The following RAPH1 variants were observed in gnomAD, a reference collection of about 807,000 sequenced individuals.
The protein encoded by RAPH1 is ras-associated and pleckstrin homology domains-containing protein 1.
In RAPH1, 18 loss-of-function variants were observed where a neutral mutation model predicts 88.1. That is an observed-to-expected ratio of 0.20 (90% confidence interval 0.14 to 0.30). The LOEUF (loss-of-function observed/expected upper bound fraction) is 0.30, where lower values mean the gene tolerates loss of function less well. Among genes scored for constraint, RAPH1 ranks in the 10% least tolerant of loss-of-function variants. The pLI is 1.00. For synonymous variants in RAPH1, 587 were observed against 559.0 expected, an observed-to-expected ratio of 1.05 and a Z score of -0.71; for missense variants, 1,448 against 1,543.2, an observed-to-expected ratio of 0.94 and a Z score of 1.03.
chr2:203,459,110 C>CT (rs2098522311), intron 7 of RAPH1, among the ~76,000 whole-genome samples: 1 of 151,996 alleles, frequency 6.6e-6, no homozygotes, highest in Non-Finnish European at 1.5e-5. Flanking sequence ...ACCTTGTGAT[C>CT]AGTCCACCTC....
chr2:203,454,200 CT>C (rs2098517251), intron 10 of RAPH1, among the ~76,000 whole-genome samples: 1 of 152,182 alleles, frequency 6.6e-6, no homozygotes, highest in South Asian at 2.1e-4. Flanking sequence ...TATCTCACAA[CT>C]CAAAGCTTAC....
At chr2:203,531,408 A>C (rs1309640938) in intron 1 of RAPH1, among the ~76,000 whole-genome samples, 1 of 152,242 alleles carries the variant, frequency 6.6e-6, no homozygotes, top group Non-Finnish European at 1.5e-5. Flanking sequence ...GTATAAAAAA[A>C]AAAATTTGTG....
At chr2:203,503,956 C>T (rs1382612962) in intron 1 of RAPH1, among the ~76,000 whole-genome samples, 1 of 152,198 alleles carries the variant, frequency 6.6e-6, no homozygotes, top group Non-Finnish European at 1.5e-5. Context: ...ATCCTGGTCA[C>T]GCTGATGCAA....
At chr2:203,533,516 CTCTCAAAGGA>C (rs1381275216) in intron 1 of RAPH1, 2 of 151,870 alleles carry the variant, frequency 1.3e-5, no homozygotes, top group African/African-American at 4.8e-5. Flanking sequence ...CTCAATTCGG[CTCTCAAAGGA>C]TAGCACCACC....
At chr2:203,490,214 T>C (rs1390338753) in intron 3 of RAPH1, 125 bp from the exon 4 acceptor site, 1 of 995,302 alleles carries the variant, frequency 1.0e-6, no homozygotes, top group African/African-American at 1.6e-5. Flanking sequence ...ATTAAGTATT[T>C]CTGGTTTTTG....
chr2:203,514,151 A>G (rs1252942093), intron 1 of RAPH1, among the ~76,000 whole-genome samples: 4 of 151,828 alleles, frequency 2.6e-5, no homozygotes, highest in Non-Finnish European at 5.9e-5. Flanking sequence ...CCTCTCTCCA[A>G]TCTTAATTCC....
At chr2:203,474,695 T>C (rs931232362) in intron 4 of RAPH1, among the ~76,000 whole-genome samples, 1 of 152,216 alleles carries the variant, frequency 6.6e-6, no homozygotes, top group Non-Finnish European at 1.5e-5. Context: ...TAGGAGATAT[T>C]TGGAATTCCT....
rs2098495682 is a variant in RAPH1, at chr2:203,434,026, T to C, written c.*5411A>G. The C allele has an allele frequency of 6.9e-6, 1 of 143,948 alleles. No homozygotes were observed. The highest frequency in any genetic ancestry group is 1.5e-5 in the Non-Finnish European group (1 of 67,156). The allele number at this position is 143,948 out of a possible 1,614,324, so 8.9% of individuals were successfully genotyped here. ...GAAAAACATCCTCAGTAGTACTGAA[T>C]ATATCTCTCTCATATATCTATCTAT... On this transcript the variant is annotated 3_prime_UTR_variant, in exon 14 of 14. Coordinates refer to ENST00000319170, the MANE Select transcript of RAPH1 (RefSeq NM_213589.3).
At chr2:203,532,430 A>T (rs994994947) in intron 1 of RAPH1, among the ~76,000 whole-genome samples, 1 of 152,198 alleles carries the variant, frequency 6.6e-6, no homozygotes, top group Admixed American at 6.6e-5. Context: ...CATTTCTTTC[A>T]AAGAGTATAT....
chr2:203,485,626 A>C lies in RAPH1; in HGVS notation c.732+3958T>G, dbSNP rs112834288. Among the ~76,000 whole-genome samples, 96 of 152,276 alleles carry C rather than the reference A, an allele frequency of 6.3e-4. 1 individual carries two copies. Among genetic ancestry groups the C allele is most frequent in the Middle Eastern group, 3.4e-3 (1 of 294 alleles). On this transcript the variant is annotated intron_variant, in intron 4 of 13. Transcript: ENST00000319170. ...AGGAAAAGAATGCCAGGAGAAGGAA[A>C]ACCCAAGGTCATTTTCCACGAAGAA... is the stretch of plus-strand genomic sequence containing the variant.
At chr2:203,502,590 GGC>G (rs1232733428) in intron 1 of RAPH1, among the ~76,000 whole-genome samples, 2 of 152,142 alleles carry the variant, frequency 1.3e-5, no homozygotes, top group African/African-American at 4.8e-5. Flanking sequence ...GGGAGGCCGA[GGC>G]GGGCGGATCA....
chr2:203,492,636 G>A (rs1368403188), intron 2 of RAPH1, among the ~76,000 whole-genome samples: 1 of 152,006 alleles, frequency 6.6e-6, no homozygotes, highest in African/African-American at 2.4e-5. Context: ...TCAGAGAAAG[G>A]GTCAGTAGTT....
intron 13 of RAPH1, chr2:203,443,965 C>T (rs941848407): frequency 2.0e-5 from 3 of 149,124 alleles, no homozygotes; most frequent in Non-Finnish European, 3.0e-5. Context: ...GATAACACCA[C>T]TGCATTCCAG....
chr2:203,479,262 A>C (rs749598186), intron 4 of RAPH1, among the ~76,000 whole-genome samples: 48 of 152,180 alleles, frequency 3.2e-4, no homozygotes, highest in Non-Finnish European at 6.5e-4. Context: ...TCAATCTTGC[A>C]CAAGTGTCCA....
At chr2:203,501,171 T>C (rs1688724301) in intron 1 of RAPH1, among the ~76,000 whole-genome samples, 1 of 151,984 alleles carries the variant, frequency 6.6e-6, no homozygotes, top group Admixed American at 6.6e-5. Flanking sequence ...ATGTTAAATT[T>C]AGTAAGGCAC....
intron 4 of RAPH1, among the ~76,000 whole-genome samples, chr2:203,484,355 A>G (rs1332018650): frequency 1.3e-5 from 2 of 152,160 alleles, no homozygotes; most frequent in Non-Finnish European, 2.9e-5. Flanking sequence ...CCTTGGCTCT[A>G]TTTTGGGCCA....
At chr2:203,450,705 CTG>C (rs2153637459) in intron 10 of RAPH1, among the ~76,000 whole-genome samples, 1 of 152,364 alleles carries the variant, frequency 6.6e-6, no homozygotes, top group South Asian at 2.1e-4. Context: ...GCTTAAGAGA[CTG>C]TTCTGCTTCA....
In RAPH1 at chr2:203,448,098, A is replaced by T; in HGVS notation, c.1513-19T>A. On this transcript the variant is annotated intron_variant, in intron 11 of 13. Coordinates refer to ENST00000319170, the MANE Select transcript of RAPH1 (RefSeq NM_213589.3). This position sits in a 1 kb window ranked among gnomAD's most constrained non-coding sequence, Gnocchi z 4.1. Reference sequence around the variant, plus strand: ...TCCCATACTAAAGAGAAGACAGGAAATGGTGACATCTAAACTTTACTGAGT... The same window carrying T: ...TCCCATACTAAAGAGAAGACAGGAATTGGTGACATCTAAACTTTACTGAGT... 1 of 1,612,426 alleles carries T rather than the reference A, an allele frequency of 6.2e-7. No individual in the cohort carries two copies. Among genetic ancestry groups the T allele is most frequent in the South Asian group, 1.1e-5 (1 of 90,832 alleles).
Position 203,436,432 on chromosome 2 carries a change from C to A in RAPH1, c.*3005G>T, listed in dbSNP as rs1349620201. ...AAGAAAGCATCTGAGCAGTAAAAGT[C>A]AAGCTGGTAAAATCCAATACAGAAT... On this transcript the variant is annotated 3_prime_UTR_variant, in exon 14 of 14. Coordinates refer to ENST00000319170, the MANE Select transcript of RAPH1 (RefSeq NM_213589.3). 1 of 152,174 alleles carries A rather than the reference C, an allele frequency of 6.6e-6. No homozygotes were observed. The highest frequency in any genetic ancestry group is 1.5e-5 in the Non-Finnish European group (1 of 68,040). The allele number at this position is 152,174 out of a possible 1,614,324, so 9.4% of individuals were successfully genotyped here. A position where few individuals can be genotyped will look rare whatever the true frequency, so the allele number is the denominator to read the frequency against.
Sources: allele counts gnomAD v4.1 joint callset (sites outside exome capture counted in the v4.1 genomes callset), GRCh38; gene constraint gnomAD v4.1.1; non-coding constraint Gnocchi (gnomAD v3.1); transcripts MANE v1.5; gene names NCBI Gene and HGNC (gene_info 2026-07-23, HGNC 2026-07-21).